KIF6: variants seen among roughly 807,000 people sequenced by gnomAD.
The protein encoded by KIF6 is kinesin-like protein KIF6.
In KIF6, 106 loss-of-function variants were observed where a neutral mutation model predicts 112.7. The observed-to-expected ratio is 0.94, with a 90% CI of 0.80 to 1.11. The LOEUF is 1.11. KIF6 is among the 50% of genes least tolerant of loss of function. The pLI is 0.00. For synonymous variants in KIF6, 339 were observed against 339.9 expected, an observed-to-expected ratio of 1.00 and a Z score of 0.03; for missense variants, 929 against 964.0, an observed-to-expected ratio of 0.96 and a Z score of 0.48.
chr6:39,627,955 A>G (rs1476863614), intron 5 of KIF6, among the ~76,000 whole-genome samples: 2 of 152,176 alleles, frequency 1.3e-5, no homozygotes, highest in Non-Finnish European at 2.9e-5. Context: ...GAAATACTAA[A>G]AAATTTCTAA....
At position 39,682,953 on chromosome 6, in the gene KIF6, C is replaced by T. The variant is rs529019085; in HGVS notation, c.251+31739G>A. 9.9e-5 allele frequency among the ~76,000 whole-genome samples: 15 copies of T among 152,164 alleles called. No homozygotes were observed. The South Asian group carries it at 2.7e-3, about 27-fold the overall frequency. On this transcript the variant is annotated intron_variant, in intron 3 of 22. Coordinates refer to ENST00000287152, the MANE Select transcript of KIF6 (RefSeq NM_145027.6). The stretch of plus-strand genomic sequence containing the variant: ...GCTAACAGTAAAACTGAGATCTAAG[C>T]GATAAGGAGGAAGGACACTTAGAGA...
intron 19 of KIF6, among the ~76,000 whole-genome samples, chr6:39,351,730 A>T (rs1562120072): frequency 6.6e-6 from 1 of 152,206 alleles, no homozygotes; most frequent in Admixed American, 6.5e-5. Flanking sequence ...TACCAGTAGA[A>T]GCTACCCAAG....
At chr6:39,706,281 C>T (rs918664350) in intron 3 of KIF6, among the ~76,000 whole-genome samples, 3 of 152,094 alleles carry the variant, frequency 2.0e-5, no homozygotes, top group East Asian at 3.9e-4. Context: ...GAAGAGAAAC[C>T]GAGATTTAGG....
At chr6:39,640,936 G>A (rs1464949262) in intron 3 of KIF6, among the ~76,000 whole-genome samples, 1 of 152,100 alleles carries the variant, frequency 6.6e-6, no homozygotes, top group Non-Finnish European at 1.5e-5. Flanking sequence ...CAGGGAATGC[G>A]CAAGAAAGTA....
rs145021132 is a variant in KIF6 at position 39,545,228 on chromosome 6, A to G, written c.1287+355T>C. On this transcript the variant is annotated intron_variant, in intron 11 of 22. Transcript: ENST00000287152. ...TGTCATGAAAATTAAAACCTAAGGC[A>G]GAGAAAAACTGAAATATCATATGGG... Among the ~76,000 whole-genome samples the G allele has an allele frequency of 1.4e-3, 211 of 152,362 alleles. 2 individuals are homozygous for G. Among genetic ancestry groups the G allele is most frequent in the African/African-American group, 4.4e-3 (182 of 41,584 alleles).
chr6:39,339,485 G>A (rs962207880), intron 22 of KIF6, among the ~76,000 whole-genome samples: 1 of 152,056 alleles, frequency 6.6e-6, no homozygotes, highest in Non-Finnish European at 1.5e-5. Context: ...GGGTTTCTCT[G>A]AGTGGGGCTG....
chr6:39,454,284 A>T (rs1034469686), intron 13 of KIF6, among the ~76,000 whole-genome samples: 1 of 152,146 alleles, frequency 6.6e-6, no homozygotes, highest in African/African-American at 2.4e-5. Context: ...AAAGAAATGG[A>T]AAAGATGAAA....
In KIF6 at chr6:39,622,914, G is replaced by A. The variant is rs549432952; in HGVS notation, c.510-9596C>T. Among the ~76,000 whole-genome samples the A allele has an allele frequency of 1.4e-3, 210 of 152,314 alleles. 1 individual carries two copies. Among genetic ancestry groups the A allele is most frequent in the Admixed American group, 6.9e-3 (105 of 15,286 alleles). On this transcript the variant is annotated intron_variant, in intron 5 of 22. Coordinates refer to ENST00000287152, the MANE Select transcript of KIF6 (RefSeq NM_145027.6). ...AAGGCATCCTGGAGCTTCCACAGCA[G>A]CCCTCCCTGCCTATTTTTAGAATCT...
chr6:39,589,293 T>C (rs538311668), intron 7 of KIF6, among the ~76,000 whole-genome samples: 11 of 152,350 alleles, frequency 7.2e-5, no homozygotes, highest in African/African-American at 2.4e-4. Context: ...ATAATAAACC[T>C]ATCTCCAGCC....
At chr6:39,722,924 A>T (rs1790305353) in intron 1 of KIF6, among the ~76,000 whole-genome samples, 1 of 152,196 alleles carries the variant, frequency 6.6e-6, no homozygotes, top group South Asian at 2.1e-4. Context: ...AAATATCCAA[A>T]CACTGCATTT....
chr6:39,719,812 C>T (rs962846272), intron 2 of KIF6, among the ~76,000 whole-genome samples: 9 of 152,150 alleles, frequency 5.9e-5, no homozygotes, highest in Admixed American at 1.3e-4. Context: ...CTACTAGCCA[C>T]GTTTTTAAAA....
chr6:39,533,400 C>T (rs915003503), intron 13 of KIF6, among the ~76,000 whole-genome samples: 5 of 152,292 alleles, frequency 3.3e-5, no homozygotes, highest in East Asian at 1.9e-4. Flanking sequence ...CACAGAGTCT[C>T]GCTGATTGCT....
chr6:39,595,207 G>A (rs541554277), intron 7 of KIF6, among the ~76,000 whole-genome samples: 11 of 152,198 alleles, frequency 7.2e-5, no homozygotes, highest in Non-Finnish European at 1.3e-4. Flanking sequence ...TGTTCCCATC[G>A]TTAATCTACT....
chr6:39,555,799 A>G (rs1779673113), intron 10 of KIF6, among the ~76,000 whole-genome samples: 1 of 151,914 alleles, frequency 6.6e-6, no homozygotes, highest in Admixed American at 6.6e-5. Flanking sequence ...CTAAAAATAC[A>G]AAAATTAACC....
At chr6:39,611,627 G>A (rs1783220293) in intron 6 of KIF6, among the ~76,000 whole-genome samples, 1 of 152,144 alleles carries the variant, frequency 6.6e-6, no homozygotes, top group Non-Finnish European at 1.5e-5. Flanking sequence ...GCGGCAACAG[G>A]CTCCTCTACT....
At chr6:39,389,210 T>G (rs1031342371) in intron 15 of KIF6, among the ~76,000 whole-genome samples, 1 of 152,148 alleles carries the variant, frequency 6.6e-6, no homozygotes, top group Non-Finnish European at 1.5e-5. Flanking sequence ...TTTTTTTACA[T>G]CAGTATTCAG....
chr6:39,346,378 C>T, intron 20 of KIF6, 98 bp downstream of exon 20: 1 of 712,606 alleles, frequency 1.4e-6, no homozygotes, highest in Non-Finnish European at 2.6e-6. Context: ...GGATTAGAGT[C>T]CTTATAAAAG....
At chr6:39,336,594 A>G (rs1196132513) in intron 22 of KIF6, 46 bp from the exon 23 acceptor site, 1 of 1,599,664 alleles carries the variant, frequency 6.3e-7, no homozygotes. Flanking sequence ...GCATGCAGAC[A>G]CTGACTTTTC....
At chr6:39,517,395 CT>C (rs1443217227) in intron 13 of KIF6, among the ~76,000 whole-genome samples, 1 of 152,126 alleles carries the variant, frequency 6.6e-6, no homozygotes, top group Non-Finnish European at 1.5e-5. Flanking sequence ...GCATTTGAAC[CT>C]TTGGTAGGTT....
Sources: allele counts gnomAD v4.1 joint callset (sites outside exome capture counted in the v4.1 genomes callset), GRCh38; gene constraint gnomAD v4.1.1; transcripts MANE v1.5; gene names NCBI Gene and HGNC (gene_info 2026-07-23, HGNC 2026-07-21).